DDX23: variants seen among roughly 807,000 people sequenced by gnomAD.
DDX23 encodes the protein DEAD-box helicase 23.
A neutral mutation model predicts 102.7 loss-of-function variants in DDX23; 33 were observed. That is an observed-to-expected ratio of 0.32 (90% CI 0.24 to 0.43). The LOEUF (loss-of-function observed/expected upper bound fraction) is 0.43, where lower values mean the gene tolerates loss of function less well. Among genes scored for constraint, DDX23 ranks in the 20% least tolerant of loss-of-function variants. DDX23 has a pLI of 1.00. For missense variants in DDX23, 549 were observed against 1,086.6 expected (o/e 0.51, Z 6.96); for synonymous variants, 352 against 376.0 (o/e 0.94, Z 0.74).
chr12:48,831,090 C>T (rs1435025483), intron 16 of DDX23, 52 bp downstream of exon 16: 1 of 1,602,964 alleles, frequency 6.2e-7, no homozygotes, highest in African/African-American at 1.3e-5. Context: ...AGTGGGACAC[C>T]ATAAGGAATC....
At chr12:48,839,332 G>A (rs928751964) in intron 5 of DDX23, among the ~76,000 whole-genome samples, 2 of 152,130 alleles carry the variant, frequency 1.3e-5, no homozygotes, top group African/African-American at 2.4e-5. Context: ...GCCAAGGAGG[G>A]CAGATCACTT....
rs1229609071 is a variant in DDX23 at position 48,837,532 on chromosome 12, C to T, written c.745G>A (p.Ala249Thr). The T allele has an allele frequency of 6.2e-7, 1 of 1,614,184 alleles. No individual in the cohort carries two copies. ...EEKDKSKELHAIKERYLGGIK... is the reference protein window; with the variant it reads ...EEKDKSKELHTIKERYLGGIK... ...GGAGCCAAGGCCTGCACCTTAATGG[C>T]ATGCAGTTCCTTGCTCTTATCCTTC... is the stretch of plus-strand genomic sequence containing the variant. Residue 249 changes from alanine (A) to threonine (T), a missense_variant, in exon 7 of 17, where the codon GCC becomes ACC. By Grantham distance (58) the Ala-to-Thr change is moderately conservative. Transcript: ENST00000308025.
chr12:48,837,048 G>A lies in DDX23; in HGVS notation c.867-11C>T, dbSNP rs1287179130. ...TGCCGTTCTTTGTACCTGGGATTGA[G>A]ATAGAGGAAAAGAAAAAAGAAGGAG... On this transcript the variant is annotated splice_polypyrimidine_tract_variant and intron_variant, in intron 8 of 16. Coordinates refer to ENST00000308025, the MANE Select transcript of DDX23 (RefSeq NM_004818.3). The A allele has an allele frequency of 1.2e-6, 2 of 1,613,556 alleles. No homozygotes were observed. Among genetic ancestry groups the A allele is most frequent in the South Asian group, 1.1e-5 (1 of 91,072 alleles).
intron 3 of DDX23, among the ~76,000 whole-genome samples, chr12:48,843,130 AATCT>A (rs1938598381): frequency 6.7e-6 from 1 of 148,904 alleles, no homozygotes; most frequent in Non-Finnish European, 1.5e-5. Flanking sequence ...ACCACTCCCT[AATCT>A]CAAGTACCCA....
chr12:48,843,769 C>T (rs1938614703), intron 3 of DDX23, among the ~76,000 whole-genome samples, 171 bp downstream of exon 3: 2 of 151,986 alleles, frequency 1.3e-5, no homozygotes, highest in South Asian at 4.1e-4. Flanking sequence ...AGGATGGTCT[C>T]GATCTCCTGA....
chr12:48,850,610 G>A (rs963154550), intron 1 of DDX23, among the ~76,000 whole-genome samples: 1 of 152,198 alleles, frequency 6.6e-6, no homozygotes, highest in Admixed American at 6.5e-5. Context: ...CCAGAATTGA[G>A]CTCTGGAACA....
intron 1 of DDX23, chr12:48,847,158 T>C (rs1267680299): frequency 3.3e-5 from 5 of 152,216 alleles, no homozygotes; most frequent in African/African-American, 1.2e-4. Flanking sequence ...ACCCATTTTA[T>C]CTCACAATCA....
rs1288075034 is a variant in DDX23, at chr12:48,836,073, C to T, written c.1382+48G>A. On this transcript the variant is annotated intron_variant, in intron 11 of 16. Transcript: ENST00000308025. This position sits in a 1 kb window ranked among gnomAD's most constrained non-coding sequence, Gnocchi z 6.1. ...TCAAACATTCATTTGCCACTTTCAC[C>T]TTTCCTACCCAGACAAACCCACTCC... 6.3e-7 allele frequency: 1 copy of T among 1,588,296 alleles called. No individual in the cohort carries two copies. The highest frequency in any genetic ancestry group is 1.1e-5 in the South Asian group (1 of 89,396).
At position 48,831,880 on chromosome 12, in the gene DDX23, T is replaced by G. The variant is rs572641075; in HGVS notation, c.2064+198A>C. 1,579 of 599,074 alleles carry G rather than the reference T, an allele frequency of 2.6e-3. 46 individuals carry two copies. In the South Asian group the frequency reaches 0.032, roughly 12 times the overall value. 37.1% of individuals were successfully genotyped at this position (599,074 alleles called of 1,614,324 possible). On this transcript the variant is annotated intron_variant, in intron 15 of 16. Coordinates refer to ENST00000308025, the MANE Select transcript of DDX23 (RefSeq NM_004818.3). Reference sequence around the variant, plus strand: ...CCAAGGCAGCTTTGGCTGGCATTACTGCAGCAGACAGGGGGTCCCAGCAAT... The same window carrying G: ...CCAAGGCAGCTTTGGCTGGCATTACGGCAGCAGACAGGGGGTCCCAGCAAT...
At chr12:48,849,283 G>A (rs1938719463) in intron 1 of DDX23, among the ~76,000 whole-genome samples, 1 of 152,054 alleles carries the variant, frequency 6.6e-6, no homozygotes, top group Admixed American at 6.5e-5. Flanking sequence ...GATCACTTAA[G>A]CCCAGGAGTT....
intron 3 of DDX23, among the ~76,000 whole-genome samples, chr12:48,843,473 A>G (rs978157729): frequency 2.0e-5 from 3 of 151,488 alleles, no homozygotes; most frequent in African/African-American, 7.3e-5. Context: ...AAAAATAAAT[A>G]AAAATAAATA....
Position 48,834,193 on chromosome 12 carries a change from T to C in DDX23, c.1560+127A>G. The C allele has an allele frequency of 3.7e-6, 3 of 821,184 alleles. No homozygotes were observed. In the East Asian group the frequency reaches 8.1e-5, roughly 22 times the overall value. 50.9% of individuals were successfully genotyped at this position (821,184 alleles called of 1,614,324 possible). A position where few individuals can be genotyped will look rare whatever the true frequency, so the allele number is the denominator to read the frequency against. Reference sequence around the variant, plus strand: ...TAAACCCTGGTGCATAAGTTCTCAATAAATAGCACATATATATAAACCAGC... The same window carrying C: ...TAAACCCTGGTGCATAAGTTCTCAACAAATAGCACATATATATAAACCAGC... On this transcript the variant is annotated intron_variant, in intron 12 of 16. Transcript: ENST00000308025.
At position 48,829,904 on chromosome 12, in the gene DDX23, G is replaced by C. The variant is rs543844951; in HGVS notation, c.*565C>G. 4.0e-6 allele frequency: 1 copy of C among 252,234 alleles called. No individual in the cohort carries two copies. Among genetic ancestry groups the C allele is most frequent in the African/African-American group, 2.2e-5 (1 of 45,076 alleles). 15.6% of individuals were successfully genotyped at this position (252,234 alleles called of 1,614,324 possible). On this transcript the variant is annotated 3_prime_UTR_variant, in exon 17 of 17. Coordinates refer to ENST00000308025, the MANE Select transcript of DDX23 (RefSeq NM_004818.3). ...CTACTTAGAAAATCCCCTGGGGGAG[G>C]GGATGCCTAGAGCATACAGCACCCC...
Position 48,836,829 on chromosome 12 carries a change from GC to G in DDX23, c.1011-36del, listed in dbSNP as rs1206314422. 6.2e-7 allele frequency: 1 copy of G among 1,613,056 alleles called. No individual in the cohort carries two copies. The highest frequency in any genetic ancestry group is 1.3e-5 in the African/African-American group (1 of 75,010). On this transcript the variant is annotated intron_variant, in intron 9 of 16. Coordinates refer to ENST00000308025, the MANE Select transcript of DDX23 (RefSeq NM_004818.3). This position sits in a 1 kb window ranked among gnomAD's most constrained non-coding sequence, Gnocchi z 6.1. Reference sequence around the variant, plus strand: ...GGTGTGAGGAGTAAGTAGAATCAGTGCCCTCCAACTCCTTTCTGTAGAGCCT... The same window carrying G: ...GGTGTGAGGAGTAAGTAGAATCAGTGCCTCCAACTCCTTTCTGTAGAGCCT...
chr12:48,833,370 C>T lies in DDX23; in HGVS notation c.1710G>A (p.Met570Ile), dbSNP rs1274980956. ...TGTCTGGCTTCTGGTTGCTGACAGG[C>T]ATGTGCTCCAGGATCTTCTGGACAT... ...EPDVQKILEH[M>I]PVSNQKPDTD... The change falls in exon 13 of 17, where the codon ATG becomes ATA. Residue 570 changes from methionine (M) to isoleucine (I), a missense_variant. By Grantham distance (10) the Met-to-Ile change is conservative. Around this residue, in one of 4 missense-constraint regions of DDX23, gnomAD observed 270 missense variants for 707.0 expected, o/e 0.38. Coordinates refer to ENST00000308025, the MANE Select transcript of DDX23 (RefSeq NM_004818.3). 6.2e-7 allele frequency: 1 copy of T among 1,614,200 alleles called. No individual in the cohort carries two copies.
In DDX23 at chr12:48,832,939, C is replaced by T; in HGVS notation, c.1803+338G>A. Reference sequence around the variant, plus strand: ...TCTAGAAACATGTACTCTGAGCCCACCTAAGGCAAGAAAGGCCCAAAAGGA... The same window carrying T: ...TCTAGAAACATGTACTCTGAGCCCATCTAAGGCAAGAAAGGCCCAAAAGGA... On this transcript the variant is annotated intron_variant, in intron 13 of 16. Transcript: ENST00000308025. This position sits in a 1 kb window ranked among gnomAD's most constrained non-coding sequence, Gnocchi z 4.4. 1 of 449,492 alleles carries T rather than the reference C, an allele frequency of 2.2e-6. No homozygotes were observed. Among genetic ancestry groups the T allele is most frequent in the South Asian group, 2.4e-5 (1 of 41,808 alleles). 27.8% of individuals were successfully genotyped at this position (449,492 alleles called of 1,614,324 possible).
intron 3 of DDX23, among the ~76,000 whole-genome samples, chr12:48,841,586 G>C (rs563527886): frequency 4.6e-5 from 7 of 152,328 alleles, no homozygotes; most frequent in East Asian, 1.9e-4. Flanking sequence ...TCAGCCTGCC[G>C]AGTGCCTGCG....
Position 48,832,215 on chromosome 12 carries a change from CATA to C in DDX23, c.1956-32_1956-30del. 1.2e-6 allele frequency: 2 copies of C among 1,609,222 alleles called. No individual in the cohort carries two copies. Among genetic ancestry groups the C allele is most frequent in the Non-Finnish European group, 8.5e-7 (1 of 1,175,740 alleles). On this transcript the variant is annotated intron_variant, in intron 14 of 16. Transcript: ENST00000308025. The surrounding 1 kb of genome is among the most constrained non-coding windows in gnomAD (Gnocchi z 4.4). ...GAAGGAAGAGGAGAAAAACAAGATG[CATA>C]ATACCTCCCACTCCAAGTGAAATGC... is the stretch of plus-strand genomic sequence containing the variant.
chr12:48,838,140 T>C lies in DDX23; in HGVS notation c.481-60A>G, dbSNP rs1938492291. ...TGGGAGCAGGGTACAATCACATCAC[T>C]GATGGGGAGATGGCAGGGAACCCAA... On this transcript the variant is annotated intron_variant, in intron 5 of 16. Coordinates refer to ENST00000308025, the MANE Select transcript of DDX23 (RefSeq NM_004818.3). 16 of 1,601,678 alleles carry C rather than the reference T, an allele frequency of 1.0e-5. No homozygotes were observed. In the South Asian group the frequency reaches 1.8e-4, roughly 18 times the overall value.
Sources: gnomAD v4.1 joint callset for allele counts (sites outside exome capture counted in the v4.1 genomes callset) on GRCh38, gnomAD v4.1.1 for gene constraint, gnomAD v4.1.1 regional missense constraint, Gnocchi (gnomAD v3.1) non-coding constraint, MANE v1.5 for transcripts, NCBI Gene and HGNC (gene_info 2026-07-23, HGNC 2026-07-21) for gene names.